The following CEP112 variants were observed in gnomAD, a reference collection of about 807,000 sequenced individuals.
CEP112 encodes centrosomal protein of 112 kDa.
CEP112 carries 127 observed loss-of-function variants against 153.0 expected under a neutral mutation model. The ratio of observed to expected loss-of-function variants is 0.83; its 90% CI spans 0.72 to 0.96. CEP112 has a LOEUF of 0.96. CEP112 is among the 40% of genes least tolerant of loss of function. The probability of loss-of-function intolerance (pLI) is 0.00; values close to 1 mark genes in which losing one functional copy is unlikely to be tolerated. For missense variants in CEP112, 1,089 were observed against 1,101.2 expected, an observed-to-expected ratio of 0.99 and a Z score of 0.16; for synonymous variants, 358 against 374.4, an observed-to-expected ratio of 0.96 and a Z score of 0.51.
intron 4 of CEP112, among the ~76,000 whole-genome samples, chr17:66,151,901 A>T (rs562638403): frequency 9.8e-5 from 15 of 152,332 alleles, no homozygotes; most frequent in Non-Finnish European, 1.9e-4. Flanking sequence ...GAAAAAAATT[A>T]AAAAATTTTA....
At chr17:65,736,504 T>C (rs985107930) in intron 23 of CEP112, among the ~76,000 whole-genome samples, 2 of 151,994 alleles carry the variant, frequency 1.3e-5, no homozygotes. Context: ...GAAGTTAACA[T>C]GAAGGGATGA....
intron 18 of CEP112, among the ~76,000 whole-genome samples, chr17:65,947,333 G>GTGGC (rs2061682394): frequency 6.6e-6 from 1 of 152,086 alleles, no homozygotes; most frequent in Non-Finnish European, 1.5e-5. Context: ...ATCTACAACA[G>GTGGC]TAGCTAGTAG....
intron 21 of CEP112, among the ~76,000 whole-genome samples, chr17:65,797,702 C>T (rs1482609016): frequency 1.3e-5 from 2 of 152,178 alleles, no homozygotes; most frequent in African/African-American, 4.8e-5. Flanking sequence ...CACGGCAGTT[C>T]AAGGAAGGCT....
chr17:66,062,781 C>G (rs2066972201), intron 11 of CEP112, among the ~76,000 whole-genome samples, 182 bp downstream of exon 11: 1 of 152,086 alleles, frequency 6.6e-6, no homozygotes, highest in Non-Finnish European at 1.5e-5. Context: ...ATTTTATAGA[C>G]CATAGACTTC....
chr17:66,171,143 T>C (rs1218025062), intron 4 of CEP112, among the ~76,000 whole-genome samples: 1 of 152,186 alleles, frequency 6.6e-6, no homozygotes, highest in Non-Finnish European at 1.5e-5. Context: ...CTCTACTGAA[T>C]AGAGAGTCCT....
intron 23 of CEP112, among the ~76,000 whole-genome samples, chr17:65,732,410 T>C (rs2050563301): frequency 6.6e-6 from 1 of 152,236 alleles, no homozygotes; most frequent in Non-Finnish European, 1.5e-5. Flanking sequence ...CAGATTAGAT[T>C]TAGCATCATT....
chr17:65,901,983 CG>C (rs1193965831), intron 20 of CEP112, among the ~76,000 whole-genome samples, 168 bp downstream of exon 20: 32 of 4,934 alleles, frequency 6.5e-3, no homozygotes, highest in African/African-American at 0.015. Context: ...CATCCCAAAA[CG>C]GGGGGGGGGG....
At chr17:65,999,998 C>A (rs1194856469) in intron 17 of CEP112, among the ~76,000 whole-genome samples, 1 of 152,090 alleles carries the variant, frequency 6.6e-6, no homozygotes, top group African/African-American at 2.4e-5. Flanking sequence ...GATTCCATGT[C>A]TTTGCTATTG....
At chr17:65,962,408 C>G (rs1480228293) in intron 17 of CEP112, among the ~76,000 whole-genome samples, 3 of 152,124 alleles carry the variant, frequency 2.0e-5, no homozygotes, top group Non-Finnish European at 2.9e-5. Context: ...CCTAAAAGAA[C>G]TGATAACCAT....
rs1029264411 is a variant in CEP112 at position 65,798,034 on chromosome 17, G to C, written c.2395-47310C>G. 9.2e-5 allele frequency among the ~76,000 whole-genome samples: 14 copies of C among 152,136 alleles called. No homozygotes were observed. In the South Asian group the frequency reaches 2.9e-3, roughly 32 times the overall value. The stretch of plus-strand genomic sequence containing the variant: ...GCATAGCGCCCCCTGGAGATGACTG[G>C]GTGGTATATGAGTGTGGGCCTCAGT... On this transcript the variant is annotated intron_variant, in intron 21 of 26. Coordinates refer to ENST00000535342, the MANE Select transcript of CEP112 (RefSeq NM_001199165.4).
At chr17:66,031,477 T>G (rs1568405795) in intron 12 of CEP112, among the ~76,000 whole-genome samples, 15 of 15,200 alleles carry the variant, frequency 9.9e-4, no homozygotes, top group African/African-American at 1.8e-3. Context: ...TGTTTTGTTT[T>G]TTTTTTTTGT....
chr17:65,774,910 G>A, intron 21 of CEP112, among the ~76,000 whole-genome samples: 1 of 152,166 alleles, frequency 6.6e-6, no homozygotes, highest in East Asian at 1.9e-4. Flanking sequence ...GGTGGTATTT[G>A]GCTCAGATCC....
At chr17:65,741,153 T>C (rs1003859105) in intron 23 of CEP112, among the ~76,000 whole-genome samples, 1 of 152,076 alleles carries the variant, frequency 6.6e-6, no homozygotes, top group African/African-American at 2.4e-5. Flanking sequence ...ACCTTCCTCA[T>C]GAAGATTACC....
intron 21 of CEP112, among the ~76,000 whole-genome samples, chr17:65,846,883 A>C (rs1320471425): frequency 6.6e-6 from 1 of 152,220 alleles, no homozygotes; most frequent in Non-Finnish European, 1.5e-5. Flanking sequence ...GTAAGGCACC[A>C]TGCAAGCTCC....
At chr17:65,914,010 C>A (rs916449733) in intron 19 of CEP112, 6 of 334,898 alleles carry the variant, frequency 1.8e-5, no homozygotes, top group Non-Finnish European at 2.5e-5. Context: ...CAGGAAGAAG[C>A]CAGATAGTCA....
At chr17:65,750,968 A>C (rs192094269) in intron 21 of CEP112, 111 of 423,192 alleles carry the variant, frequency 2.6e-4, no homozygotes, top group African/African-American at 2.1e-3. Flanking sequence ...TAGAAAGAGA[A>C]AGGGAGAAAG....
intron 8 of CEP112, among the ~76,000 whole-genome samples, chr17:66,090,735 A>C (rs1376067414): frequency 2.0e-5 from 3 of 152,152 alleles, no homozygotes; most frequent in African/African-American, 7.2e-5. Context: ...AAATTCTCTA[A>C]TCAAAAGACA....
At chr17:65,868,616 A>C (rs2146472289) in intron 20 of CEP112, among the ~76,000 whole-genome samples, 1 of 152,342 alleles carries the variant, frequency 6.6e-6, no homozygotes, top group South Asian at 2.1e-4. Flanking sequence ...CATACACATT[A>C]AAAAACAGAA....
intron 24 of CEP112, among the ~76,000 whole-genome samples, chr17:65,669,760 A>G (rs902636063): frequency 6.6e-6 from 1 of 152,118 alleles, no homozygotes; most frequent in African/African-American, 2.4e-5. Context: ...AAAATTATCC[A>G]GGCATGGTGG....
Sources: gnomAD v4.1 joint callset for allele counts (sites outside exome capture counted in the v4.1 genomes callset) on GRCh38, gnomAD v4.1.1 for gene constraint, MANE v1.5 for transcripts, NCBI Gene and HGNC (gene_info 2026-07-23, HGNC 2026-07-21) for gene names.